Variants in SECISBP2 observed in about 807,000 individuals in gnomAD.
The protein encoded by SECISBP2 is SECIS binding protein 2.
SECISBP2 carries 96 observed loss-of-function variants against 98.2 expected under a neutral mutation model. The observed-to-expected ratio is 0.98, with a 90% CI of 0.83 to 1.16. The LOEUF is 1.16. Ranked by LOEUF, SECISBP2 falls within the 50% of genes most tolerant of loss-of-function variation. The pLI is 0.00. For synonymous variants in SECISBP2, 407 were observed against 370.2 expected, an observed-to-expected ratio of 1.10 and a Z score of -1.14; for missense variants, 1,046 against 1,022.9, an observed-to-expected ratio of 1.02 and a Z score of -0.31.
intron 14 of SECISBP2, 109 bp downstream of exon 14, chr9:89,350,961 C>T (rs1426229642): frequency 1.4e-5 from 13 of 901,782 alleles, no homozygotes; most frequent in Admixed American, 1.9e-5. Context: ...CTTGACAACT[C>T]GTTTTCTTTG....
intron 14 of SECISBP2, among the ~76,000 whole-genome samples, chr9:89,353,052 CG>C (rs1831522983): frequency 6.6e-6 from 1 of 152,080 alleles, no homozygotes; most frequent in Non-Finnish European, 1.5e-5. Flanking sequence ...ACTGGAAATC[CG>C]GGTGTGTGGC....
intron 10 of SECISBP2, among the ~76,000 whole-genome samples, chr9:89,342,520 G>A (rs1000785087): frequency 4.6e-5 from 7 of 152,088 alleles, no homozygotes; most frequent in Non-Finnish European, 8.8e-5. Context: ...TAGAAACAGC[G>A]CAAATGTTCA....
chr9:89,338,886 G>GTCTTTT (rs1554721253), intron 8 of SECISBP2, among the ~76,000 whole-genome samples: 1 of 140,748 alleles, frequency 7.1e-6, no homozygotes. Flanking sequence ...TTCTTTACCT[G>GTCTTTT]TTTTTTTTTT....
At chr9:89,347,561 C>T (rs1000735613) in intron 11 of SECISBP2, among the ~76,000 whole-genome samples, 1 of 150,756 alleles carries the variant, frequency 6.6e-6, no homozygotes, top group Non-Finnish European at 1.5e-5. Context: ...CAACCTCAAC[C>T]TCCACCTCCC....
chr9:89,363,372 G>A, downstream of SECISBP2: 1 of 1,595,762 alleles, frequency 6.3e-7, no homozygotes, highest in Non-Finnish European at 8.5e-7. Context: ...ACTGGATGTG[G>A]CAGGTGCCCT....
intron 14 of SECISBP2, among the ~76,000 whole-genome samples, chr9:89,351,941 G>A (rs1272543203): frequency 1.3e-5 from 2 of 152,110 alleles, no homozygotes; most frequent in Admixed American, 6.5e-5. Flanking sequence ...TTAAGGGAGG[G>A]GCAGGCTTGG....
chr9:89,328,906 C>CT lies in SECISBP2; in HGVS notation c.801+25dup. 6.4e-7 allele frequency: 1 copy of CT among 1,566,670 alleles called. No individual in the cohort carries two copies. On this transcript the variant is annotated intron_variant, in intron 5 of 16. Coordinates refer to ENST00000375807, the MANE Select transcript of SECISBP2 (RefSeq NM_024077.5). ...TCAAAGGTGAGGTGAGGGTTTCTCT[C>CT]TTTTTCTTTTTCCTTTGTACACTTT... is the stretch of plus-strand genomic sequence containing the variant.
intron 2 of SECISBP2, among the ~76,000 whole-genome samples, chr9:89,320,588 CTT>C (rs768231059): frequency 6.6e-6 from 1 of 152,084 alleles, no homozygotes; most frequent in Non-Finnish European, 1.5e-5. Flanking sequence ...AAATTGTTGA[CTT>C]TTGCTTTCCA....
rs1830996912 is a variant in SECISBP2 at position 89,349,842 on chromosome 9, G to A, written c.1805G>A (p.Gly602Asp). ...GAGGACAAGTCTGAAGAGCCACCAGGCACAGAGCTCCAGAGGGACACAGAG... is the reference window on the plus strand; with the variant it reads ...GAGGACAAGTCTGAAGAGCCACCAGACACAGAGCTCCAGAGGGACACAGAG... ...SVEDKSEEPP[G>D]TELQRDTEAS... The change falls in exon 13 of 17, where the codon GGC becomes GAC. Residue 602 changes from glycine (G) to aspartate (D), a missense_variant. Coordinates refer to ENST00000375807, the MANE Select transcript of SECISBP2 (RefSeq NM_024077.5). The A allele has an allele frequency of 1.9e-6, 3 of 1,614,070 alleles. No individual in the cohort carries two copies. Among genetic ancestry groups the A allele is most frequent in the Non-Finnish European group, 2.5e-6 (3 of 1,180,018 alleles).
downstream of SECISBP2, chr9:89,362,019 G>A: frequency 2.8e-6 from 1 of 359,944 alleles, no homozygotes. Context: ...GAGTCACTGG[G>A]ACGGTGTAGG....
rs1476496381 is a variant in SECISBP2 at position 89,338,598 on chromosome 9, A to C, written c.1212+18A>C. ...GGATTGAAGTACATTTATATTTTTT[A>C]TTCACATGGTGTGATATAATAAGTG... On this transcript the variant is annotated intron_variant, in intron 8 of 16. Transcript: ENST00000375807. 6.2e-7 allele frequency: 1 copy of C among 1,609,826 alleles called. No homozygotes were observed. Among genetic ancestry groups the C allele is most frequent in the Non-Finnish European group, 8.5e-7 (1 of 1,178,764 alleles).
At chr9:89,341,324 A>G in intron 9 of SECISBP2, 23 bp from the exon 10 acceptor site, 1 of 1,606,500 alleles carries the variant, frequency 6.2e-7, no homozygotes, top group Non-Finnish European at 8.5e-7. Flanking sequence ...TTATAAGTAA[A>G]CTTACGAATT....
At chr9:89,338,222 T>G (rs1441635939) in intron 7 of SECISBP2, among the ~76,000 whole-genome samples, 1 of 152,194 alleles carries the variant, frequency 6.6e-6, no homozygotes, top group African/African-American at 2.4e-5. Context: ...TCTGTCCAAA[T>G]CCACCAGTTT....
At chr9:89,319,180 A>G in intron 1 of SECISBP2, 1 of 479,736 alleles carries the variant, frequency 2.1e-6, no homozygotes, top group Non-Finnish European at 2.8e-6. Context: ...GTATTTCAAT[A>G]AAGCAAGACT....
chr9:89,347,206 C>T lies in SECISBP2; in HGVS notation c.1602+158C>T, dbSNP rs144074514. On this transcript the variant is annotated intron_variant, in intron 11 of 16. Transcript: ENST00000375807. ...AATGATACTCCAACAAATGATCCCTCACCCTCCCAGTGTGACACGTCAGGG... is the reference window on the plus strand; with the variant it reads ...AATGATACTCCAACAAATGATCCCTTACCCTCCCAGTGTGACACGTCAGGG... Among the ~76,000 whole-genome samples the T allele has an allele frequency of 8.0e-3, 1,217 of 152,356 alleles. 17 individuals are homozygous for T. The highest frequency in any genetic ancestry group is 0.028 in the African/African-American group (1,149 of 41,570).
intron 14 of SECISBP2, chr9:89,355,331 A>G (rs2132058261): frequency 1.0e-6 from 1 of 985,442 alleles, no homozygotes; most frequent in African/African-American, 1.7e-5. Context: ...ACTCGAAAGC[A>G]TATGCTGTGC....
intron 15 of SECISBP2, 21 bp from the exon 16 acceptor site, chr9:89,357,978 G>A (rs755167451): frequency 1.2e-6 from 2 of 1,611,722 alleles, no homozygotes; most frequent in African/African-American, 2.7e-5. Context: ...TGTTACCTGT[G>A]TGCTCTCACT....
At chr9:89,334,784 A>G in intron 7 of SECISBP2, 54 bp downstream of exon 7, 1 of 1,327,916 alleles carries the variant, frequency 7.5e-7, no homozygotes, top group Non-Finnish European at 1.1e-6. Context: ...GGCTCAGTAG[A>G]GTGGGGAATG....
At position 89,359,002 on chromosome 9, in the gene SECISBP2, G is replaced by C. The variant is rs1789890037; in HGVS notation, c.*178G>C. The C allele has an allele frequency of 4.9e-6, 3 of 617,020 alleles. No individual in the cohort carries two copies. Among genetic ancestry groups the C allele is most frequent in the Non-Finnish European group, 2.9e-6 (1 of 346,860 alleles). The allele number at this position is 617,020 out of a possible 1,614,324, so 38.2% of individuals were successfully genotyped here. On this transcript the variant is annotated 3_prime_UTR_variant, in exon 17 of 17. Transcript: ENST00000375807. Reference sequence around the variant, plus strand: ...GCAGGCGTTCAGTGCTGCGGAGCCTGTTAAAGGTCACTCAGATGTGCAGGT... The same window carrying C: ...GCAGGCGTTCAGTGCTGCGGAGCCTCTTAAAGGTCACTCAGATGTGCAGGT...
Sources: gnomAD v4.1 joint callset for allele counts (sites outside exome capture counted in the v4.1 genomes callset) on GRCh38, gnomAD v4.1.1 for gene constraint, MANE v1.5 for transcripts, NCBI Gene and HGNC (gene_info 2026-07-23, HGNC 2026-07-21) for gene names.